The following PTPRG variants were observed in gnomAD, a reference collection of about 807,000 sequenced individuals.
PTPRG encodes protein tyrosine phosphatase receptor type G.
Under a neutral mutation model 165.3 loss-of-function variants are expected in PTPRG, and 102 were observed. That is an observed-to-expected ratio of 0.62 (90% CI 0.53 to 0.73). The LOEUF (loss-of-function observed/expected upper bound fraction) is 0.73, where lower values mean the gene tolerates loss of function less well. Ranked by LOEUF, PTPRG falls within the 30% of genes least tolerant of loss-of-function variation. The pLI, the probability that PTPRG is intolerant of heterozygous loss-of-function variation, is 0.00. For synonymous variants in PTPRG, 675 were observed against 669.5 expected, an observed-to-expected ratio of 1.01 and a Z score of -0.13; for missense variants, 1,866 against 1,861.4, an observed-to-expected ratio of 1.00 and a Z score of -0.05.
chr3:61,643,488 A>C (rs543064426), intron 1 of PTPRG, among the ~76,000 whole-genome samples: 8 of 152,230 alleles, frequency 5.3e-5, no homozygotes, highest in Non-Finnish European at 1.2e-4. Flanking sequence ...TTATTTTAAA[A>C]GCACCTATTG....
chr3:61,700,439 G>T (rs1365157915), intron 1 of PTPRG, among the ~76,000 whole-genome samples: 1 of 152,140 alleles, frequency 6.6e-6, no homozygotes, highest in East Asian at 1.9e-4. Context: ...AGTACTAAAA[G>T]CTTGTACCTA....
intron 17 of PTPRG, chr3:62,263,497 A>G (rs527702433): frequency 6.5e-6 from 1 of 152,702 alleles, no homozygotes; most frequent in East Asian, 1.9e-4. Flanking sequence ...CTAGAAGACC[A>G]CATTTCACAG....
intron 2 of PTPRG, among the ~76,000 whole-genome samples, chr3:61,862,031 C>T (rs1322453650): frequency 1.3e-5 from 2 of 152,092 alleles, no homozygotes; most frequent in African/African-American, 4.8e-5. Context: ...CGGATTGGTA[C>T]CGGTCCCTGG....
At chr3:61,867,093 G>T (rs1367139832) in intron 2 of PTPRG, among the ~76,000 whole-genome samples, 1 of 152,118 alleles carries the variant, frequency 6.6e-6, no homozygotes, top group East Asian at 1.9e-4. Flanking sequence ...GTACCAGATG[G>T]CCTCCTGGCC....
intron 1 of PTPRG, among the ~76,000 whole-genome samples, chr3:61,641,995 G>C (rs1201421311): frequency 6.6e-6 from 1 of 152,172 alleles, no homozygotes; most frequent in Non-Finnish European, 1.5e-5. Context: ...TCCTCATCTG[G>C]AAGCCCAGAG....
At chr3:62,204,809 G>C (rs114432887) in intron 12 of PTPRG, among the ~76,000 whole-genome samples, 2,061 of 152,236 alleles carry the variant, frequency 0.014, 20 homozygotes, top group Middle Eastern at 0.11. Context: ...CTCATCTCCT[G>C]GTGGCAATTT....
In PTPRG at chr3:62,004,049, GA is replaced by G. The variant is rs1483925491; in HGVS notation, c.519+554del. Among the ~76,000 whole-genome samples, 3 of 152,268 alleles carry G rather than the reference GA, an allele frequency of 2.0e-5. No homozygotes were observed. The East Asian group carries it at 5.8e-4, about 29-fold the overall frequency. Reference sequence around the variant, plus strand: ...TCTCAGTGATCCATCCTGCTGGACAGAAGAAGGGTGTGGGTGCACTAGGTCA... The same window carrying G: ...TCTCAGTGATCCATCCTGCTGGACAGAGAAGGGTGTGGGTGCACTAGGTCA... On this transcript the variant is annotated intron_variant, in intron 4 of 29. Coordinates refer to ENST00000474889, the MANE Select transcript of PTPRG (RefSeq NM_002841.4).
intron 2 of PTPRG, among the ~76,000 whole-genome samples, chr3:61,857,214 C>T (rs1191490743): frequency 2.0e-5 from 3 of 152,126 alleles, no homozygotes; most frequent in Admixed American, 6.5e-5. Flanking sequence ...TTAAAAAATC[C>T]TTATACAACT....
chr3:61,657,302 T>G (rs1469386243), intron 1 of PTPRG, among the ~76,000 whole-genome samples: 1 of 151,994 alleles, frequency 6.6e-6, no homozygotes, highest in African/African-American at 2.4e-5. Flanking sequence ...ATGACCTACT[T>G]TCAGGGGAAG....
At chr3:61,954,703 G>T (rs915680800) in intron 2 of PTPRG, among the ~76,000 whole-genome samples, 3 of 152,126 alleles carry the variant, frequency 2.0e-5, no homozygotes, top group Non-Finnish European at 4.4e-5. Context: ...TTGCAAAACC[G>T]CATACTACAT....
intron 2 of PTPRG, among the ~76,000 whole-genome samples, chr3:61,839,282 C>T (rs2036553880): frequency 6.6e-6 from 1 of 152,006 alleles, no homozygotes; most frequent in African/African-American, 2.4e-5. Context: ...ATTTACTGTT[C>T]GGTAGATTAG....
chr3:61,923,847 T>C (rs925709773), intron 2 of PTPRG, among the ~76,000 whole-genome samples: 1 of 151,972 alleles, frequency 6.6e-6, no homozygotes, highest in South Asian at 2.1e-4. Flanking sequence ...TGTTGGTTTT[T>C]CTATCACTAT....
At chr3:61,736,520 G>C (rs79935193) in intron 1 of PTPRG, among the ~76,000 whole-genome samples, 1 of 151,908 alleles carries the variant, frequency 6.6e-6, no homozygotes, top group Non-Finnish European at 1.5e-5. Context: ...GATGAAGAAG[G>C]GTGAAGGTGA....
At chr3:62,206,987 T>A (rs1365052384) in intron 12 of PTPRG, among the ~76,000 whole-genome samples, 1 of 150,402 alleles carries the variant, frequency 6.6e-6, no homozygotes, top group East Asian at 2.0e-4. Flanking sequence ...GAGCTTTCCC[T>A]TATCACCTTC....
At chr3:61,587,710 C>G (rs1461618897) in intron 1 of PTPRG, among the ~76,000 whole-genome samples, 3 of 151,936 alleles carry the variant, frequency 2.0e-5, no homozygotes, top group Non-Finnish European at 4.4e-5. Context: ...AGGCTGGAGT[C>G]CAGTGGCACA....
chr3:62,267,932 A>C (rs555132183), intron 19 of PTPRG, 113 bp downstream of exon 19: 3 of 1,238,636 alleles, frequency 2.4e-6, no homozygotes, highest in Admixed American at 2.3e-5. Flanking sequence ...ACGGAAATGA[A>C]AAGTGTTCTC....
chr3:62,280,981 T>C (rs548956727), intron 26 of PTPRG, among the ~76,000 whole-genome samples: 1 of 152,146 alleles, frequency 6.6e-6, no homozygotes, highest in African/African-American at 2.4e-5. Flanking sequence ...TTGGGAATCA[T>C]GCCAATATTG....
At chr3:62,204,353 G>A (rs1700175245) in intron 12 of PTPRG, among the ~76,000 whole-genome samples, 1 of 152,128 alleles carries the variant, frequency 6.6e-6, no homozygotes, top group African/African-American at 2.4e-5. Context: ...CTGTCCCAGG[G>A]GATCCTAGTC....
chr3:61,740,033 G>T (rs1484808814), intron 1 of PTPRG, among the ~76,000 whole-genome samples: 1 of 152,190 alleles, frequency 6.6e-6, no homozygotes, highest in African/African-American at 2.4e-5. Context: ...TGAAACAAAA[G>T]TTCAGATGGG....
Sources: gnomAD v4.1 joint callset for allele counts (sites outside exome capture counted in the v4.1 genomes callset) on GRCh38, gnomAD v4.1.1 for gene constraint, MANE v1.5 for transcripts, NCBI Gene and HGNC (gene_info 2026-07-23, HGNC 2026-07-21) for gene names.